The following ZNF600 variants were observed in gnomAD, a reference collection of about 807,000 sequenced individuals.
ZNF600 encodes zinc finger protein 600, also known as zinc finger protein KR-ZNF1.
A neutral mutation model predicts 7.3 loss-of-function variants in ZNF600; 4 were observed. The ratio of observed to expected loss-of-function variants is 0.55; its 90% CI spans 0.27 to 1.25. The LOEUF is 1.25. ZNF600 is among the 50% of genes most tolerant of loss of function. The probability of loss-of-function intolerance (pLI) is 0.12; values close to 1 mark genes in which losing one functional copy is unlikely to be tolerated. For synonymous variants in ZNF600, 290 were observed against 308.9 expected (o/e 0.94, Z 0.64); for missense variants, 911 against 922.1 (o/e 0.99, Z 0.16).
At chr19:52,811,757 A>C in the ZNF600 span, among the ~76,000 whole-genome samples, 6 of 141,488 alleles carry the variant, frequency 4.2e-5, no homozygotes, top group Non-Finnish European at 9.2e-5. Context: ...TCCGGGAGGG[A>C]GGTCGGGGGG....
intron 3 of ZNF600, among the ~76,000 whole-genome samples, chr19:52,772,325 A>G (rs2062636570): frequency 6.6e-6 from 1 of 152,126 alleles, no homozygotes; most frequent in South Asian, 2.1e-4. Context: ...AAAAAAGGCC[A>G]GACACAGTGG....
At chr19:52,775,028 T>C (rs2062662330) in intron 2 of ZNF600, among the ~76,000 whole-genome samples, 1 of 152,002 alleles carries the variant, frequency 6.6e-6, no homozygotes, top group African/African-American at 2.4e-5. Context: ...TTATTTGATG[T>C]CAAGAGTTCG....
At chr19:52,807,928 G>A in the ZNF600 span, 1 of 1,600,098 alleles carries the variant, frequency 6.2e-7, no homozygotes, top group Non-Finnish European at 8.5e-7. Context: ...TTTTAGTCAA[G>A]TAAGGATGTG....
At chr19:52,811,478 G>A in the ZNF600 span, among the ~76,000 whole-genome samples, 1 of 149,084 alleles carries the variant, frequency 6.7e-6, no homozygotes, top group Admixed American at 6.6e-5. Flanking sequence ...ATCCCATCTA[G>A]GAAGTGAGGA....
intron 3 of ZNF600, among the ~76,000 whole-genome samples, chr19:52,772,409 C>T (rs1383549686): frequency 6.6e-6 from 1 of 152,070 alleles, no homozygotes; most frequent in East Asian, 1.9e-4. Context: ...TCGAGACCAG[C>T]CTGGCCAACA....
intron 3 of ZNF600, among the ~76,000 whole-genome samples, chr19:52,773,030 A>G (rs866421011): frequency 5.3e-5 from 8 of 151,360 alleles, no homozygotes; most frequent in South Asian, 4.2e-4. Flanking sequence ...CAGTGAGAGT[A>G]GTGTTGGAGG....
the ZNF600 span, among the ~76,000 whole-genome samples, chr19:52,832,430 T>C: frequency 6.6e-6 from 1 of 151,676 alleles, no homozygotes; most frequent in Non-Finnish European, 1.5e-5. Flanking sequence ...TCATCTCTAC[T>C]AAGAATACAG....
At chr19:52,827,063 G>A in the ZNF600 span, among the ~76,000 whole-genome samples, 15 of 151,906 alleles carry the variant, frequency 9.9e-5, no homozygotes, top group African/African-American at 3.4e-4. Context: ...AAAATAGCAA[G>A]ATCCCATAGC....
At chr19:52,793,601 A>G in the ZNF600 span, among the ~76,000 whole-genome samples, 3 of 152,190 alleles carry the variant, frequency 2.0e-5, no homozygotes, top group South Asian at 2.1e-4. Flanking sequence ...AAGGACTTCA[A>G]ACATTTTTCT....
At chr19:52,820,843 T>C in the ZNF600 span, among the ~76,000 whole-genome samples, 1 of 152,242 alleles carries the variant, frequency 6.6e-6, no homozygotes. Flanking sequence ...CTTTGCCATC[T>C]GTTATGGGTC....
chr19:52,765,826 C>T, exon 4 of ZNF600: 1 of 1,613,912 alleles, frequency 6.2e-7, no homozygotes, highest in Non-Finnish European at 8.5e-7. Context: ...AAAACTTTGT[C>T]ACATGTTTCA....
At chr19:52,784,904 T>TC (rs943439497) in intron 1 of ZNF600, among the ~76,000 whole-genome samples, 1 of 152,100 alleles carries the variant, frequency 6.6e-6, no homozygotes, top group Non-Finnish European at 1.5e-5. Context: ...ATTTTTTTTT[T>TC]CCTTTTTTGA....
intron 1 of ZNF600, among the ~76,000 whole-genome samples, chr19:52,785,677 AC>A (rs539863461): frequency 6.6e-6 from 1 of 151,322 alleles, no homozygotes; most frequent in South Asian, 2.1e-4. Flanking sequence ...TCCCTGTTAT[AC>A]CCCTCTGTCC....
chr19:52,798,870 G>C, the ZNF600 span: 2 of 1,367,898 alleles, frequency 1.5e-6, no homozygotes, highest in African/African-American at 1.5e-5. Context: ...CCTATACTAT[G>C]GATTGCTTGA....
chr19:52,813,403 T>TCAACAGTG, the ZNF600 span, among the ~76,000 whole-genome samples: 1 of 151,838 alleles, frequency 6.6e-6, no homozygotes, highest in South Asian at 2.1e-4. Context: ...TGGACACGTC[T>TCAACAGTG]CAACAGTGCA....
chr19:52,832,717 A>G, the ZNF600 span, among the ~76,000 whole-genome samples: 1 of 152,168 alleles, frequency 6.6e-6, no homozygotes, highest in African/African-American at 2.4e-5. Flanking sequence ...TGTAAACTCT[A>G]AATTGTGCCA....
chr19:52,827,257 A>G, the ZNF600 span, among the ~76,000 whole-genome samples: 4 of 152,022 alleles, frequency 2.6e-5, no homozygotes, highest in Admixed American at 6.6e-5. Flanking sequence ...AACAAAAAAA[A>G]AAAAAGAAAA....
the ZNF600 span, chr19:52,800,826 G>T: frequency 1.9e-6 from 3 of 1,614,038 alleles, no homozygotes; most frequent in African/African-American, 4.0e-5. Context: ...TGCTAGGTAT[G>T]AATTACATGT....
chr19:52,823,441 C>T, the ZNF600 span, among the ~76,000 whole-genome samples: 65 of 152,202 alleles, frequency 4.3e-4, no homozygotes, highest in Non-Finnish European at 7.5e-4. Context: ...GTTTCTAATT[C>T]CTGACCTCAA....
Sources: gnomAD v4.1 joint callset for allele counts (sites outside exome capture counted in the v4.1 genomes callset) on GRCh38, gnomAD v4.1.1 for gene constraint, MANE v1.5 for transcripts, NCBI Gene and HGNC (gene_info 2026-07-23, HGNC 2026-07-21) for gene names.